SNTG1: variants seen among roughly 807,000 people sequenced by gnomAD.
SNTG1 encodes the protein syntrophin gamma 1, also known as gamma-1-syntrophin.
In SNTG1, 39 loss-of-function variants were observed where a neutral mutation model predicts 74.7. The observed-to-expected ratio is 0.52, with a 90% CI of 0.40 to 0.68. SNTG1 has a LOEUF of 0.68. Ranked by LOEUF, SNTG1 falls within the 30% of genes least tolerant of loss-of-function variation. The pLI, the probability that SNTG1 is intolerant of heterozygous loss-of-function variation, is 0.00. For synonymous variants in SNTG1, 254 were observed against 217.1 expected (o/e 1.17, Z -1.49); for missense variants, 685 against 609.5 (o/e 1.12, Z -1.30).
chr8:50,050,100 G>T (rs935941664), intron 1 of SNTG1, among the ~76,000 whole-genome samples: 2 of 151,590 alleles, frequency 1.3e-5, no homozygotes, highest in African/African-American at 4.8e-5. Flanking sequence ...AAATAATAAA[G>T]TTAAAGCAGA....
At chr8:50,390,344 G>A (rs6473114) in intron 2 of SNTG1, among the ~76,000 whole-genome samples, 104,719 of 152,110 alleles carry the variant, frequency 0.69, 36,269 homozygotes, top group East Asian at 0.84. Flanking sequence ...ATAGGGAATC[G>A]TTTCCCCATT....
intron 11 of SNTG1, among the ~76,000 whole-genome samples, chr8:50,548,761 A>T (rs1285016404): frequency 6.6e-6 from 1 of 152,180 alleles, no homozygotes; most frequent in African/African-American, 2.4e-5. Flanking sequence ...GGTTAAAGAA[A>T]ATCTCATGGA....
At chr8:50,105,525 TG>T (rs2080335938) in intron 1 of SNTG1, among the ~76,000 whole-genome samples, 1 of 152,060 alleles carries the variant, frequency 6.6e-6, no homozygotes. Context: ...TTTGGCTCTT[TG>T]GGCTCTTTTT....
At chr8:50,470,963 A>G (rs552049183) in intron 8 of SNTG1, among the ~76,000 whole-genome samples, 15 of 152,326 alleles carry the variant, frequency 9.8e-5, no homozygotes, top group Middle Eastern at 3.4e-3. Flanking sequence ...GTTCATATTT[A>G]CAGAGTGCTG....
chr8:50,547,967 G>A (rs950868249), intron 11 of SNTG1, among the ~76,000 whole-genome samples: 1 of 152,172 alleles, frequency 6.6e-6, no homozygotes, highest in South Asian at 2.1e-4. Context: ...GATTAGCCAG[G>A]AAGAGATAAA....
intron 17 of SNTG1, among the ~76,000 whole-genome samples, chr8:50,709,711 C>T (rs1037498286): frequency 6.6e-6 from 1 of 152,180 alleles, no homozygotes; most frequent in Non-Finnish European, 1.5e-5. Context: ...CTGCTAATCT[C>T]CTTCTAGTCA....
intron 13 of SNTG1, among the ~76,000 whole-genome samples, chr8:50,596,686 T>C (rs2094729418): frequency 6.6e-6 from 1 of 152,092 alleles, no homozygotes; most frequent in Non-Finnish European, 1.5e-5. Flanking sequence ...AATACTGTAG[T>C]ACTACGATGT....
intron 2 of SNTG1, among the ~76,000 whole-genome samples, chr8:50,182,536 G>A: frequency 6.6e-6 from 1 of 152,048 alleles, no homozygotes; most frequent in East Asian, 1.9e-4. Context: ...ATGTTTATGA[G>A]TACAGATATC....
rs11361478 is a variant in SNTG1, at chr8:50,277,264, C to CAAAAA, written c.-28+104645_-28+104649dup. 3.2e-5 allele frequency among the ~76,000 whole-genome samples: 3 copies of CAAAAA among 95,158 alleles called. 1 individual carries two copies. The highest frequency in any genetic ancestry group is 6.0e-5 in the Non-Finnish European group (3 of 49,682). 62.4% of individuals were successfully genotyped at this position (95,158 alleles called of 152,430 possible). ...CTTAGGCAACTGAGCAAGACCCTGC[C>CAAAAA]AAAAAAAAAAAAAAAAAAAATGAGT... On this transcript the variant is annotated intron_variant, in intron 2 of 18. Coordinates refer to ENST00000642720, the MANE Select transcript of SNTG1 (RefSeq NM_018967.5).
chr8:50,122,191 A>AC lies in SNTG1; in HGVS notation c.-102-50369dup, dbSNP rs532764210. ...TAGTGTTTCTCAGCCTCTGTAGGCC[A>AC]CGCTGCCTTTGAATAAATGTAAAAA... On this transcript the variant is annotated intron_variant, in intron 1 of 18. Transcript: ENST00000642720. Among the ~76,000 whole-genome samples the AC allele has an allele frequency of 5.1e-4, 73 of 142,108 alleles. 18 individuals carry two copies. The South Asian group carries it at 0.016, about 31-fold the overall frequency. 93.2% of individuals were successfully genotyped at this position (142,108 alleles called of 152,430 possible).
At chr8:49,913,235 C>A (rs965031899) in intron 1 of SNTG1, among the ~76,000 whole-genome samples, 12 of 152,286 alleles carry the variant, frequency 7.9e-5, no homozygotes, top group African/African-American at 2.6e-4. Context: ...ATTTTACAGT[C>A]ATGTAAATAC....
chr8:50,019,805 T>C (rs1420569114), intron 1 of SNTG1, among the ~76,000 whole-genome samples: 2 of 152,072 alleles, frequency 1.3e-5, no homozygotes, highest in African/African-American at 2.4e-5. Context: ...AGTGTTTGCA[T>C]AGCTGTTGTC....
chr8:50,395,841 T>G (rs2092722287), intron 3 of SNTG1, among the ~76,000 whole-genome samples: 1 of 152,160 alleles, frequency 6.6e-6, no homozygotes, highest in South Asian at 2.1e-4. Flanking sequence ...TACTTAATTT[T>G]AAAAGTAGCA....
At chr8:50,262,989 T>C (rs2087272885) in intron 2 of SNTG1, among the ~76,000 whole-genome samples, 1 of 152,172 alleles carries the variant, frequency 6.6e-6, no homozygotes, top group Admixed American at 6.5e-5. Flanking sequence ...GTTAAAATAC[T>C]CTGTTTAATA....
chr8:50,590,298 A>G (rs932383761), intron 12 of SNTG1, among the ~76,000 whole-genome samples: 8 of 152,128 alleles, frequency 5.3e-5, no homozygotes, highest in Non-Finnish European at 1.0e-4. Context: ...CCTAATGTTC[A>G]TTTTTATTAG....
chr8:50,553,369 T>C (rs995230614), intron 12 of SNTG1, among the ~76,000 whole-genome samples, 190 bp downstream of exon 12: 17 of 152,156 alleles, frequency 1.1e-4, no homozygotes, highest in African/African-American at 4.1e-4. Flanking sequence ...ATAATACACA[T>C]AGATTTCCAT....
chr8:50,064,630 C>G (rs1820755316), intron 1 of SNTG1, among the ~76,000 whole-genome samples: 1 of 152,210 alleles, frequency 6.6e-6, no homozygotes, highest in African/African-American at 2.4e-5. Flanking sequence ...CTGGCCCTGC[C>G]TACACCTCCA....
intron 15 of SNTG1, among the ~76,000 whole-genome samples, chr8:50,684,740 C>CTTTTTT (rs71235319): frequency 7.4e-6 from 1 of 135,128 alleles, no homozygotes; most frequent in Non-Finnish European, 1.6e-5. Flanking sequence ...TTTTTTTTTT[C>CTTTTTT]TTTTTTTTTA....
At chr8:50,239,311 G>A (rs1378837755) in intron 2 of SNTG1, among the ~76,000 whole-genome samples, 2 of 152,130 alleles carry the variant, frequency 1.3e-5, no homozygotes, top group Non-Finnish European at 2.9e-5. Context: ...ACCCAAGACT[G>A]GGTAATTTAT....
Sources: gnomAD v4.1 joint callset for allele counts (sites outside exome capture counted in the v4.1 genomes callset) on GRCh38, gnomAD v4.1.1 for gene constraint, MANE v1.5 for transcripts, NCBI Gene and HGNC (gene_info 2026-07-23, HGNC 2026-07-21) for gene names.